Variants in MSRA observed in about 807,000 individuals in gnomAD.
MSRA encodes methionine sulfoxide reductase A.
MSRA carries 54 observed loss-of-function variants against 31.3 expected under a neutral mutation model. The observed-to-expected ratio is 1.73, with a 90% CI of 1.39 to 2.17. The LOEUF (loss-of-function observed/expected upper bound fraction) is 2.17, where lower values mean the gene tolerates loss of function less well. MSRA is among the 30% of genes most tolerant of loss of function. The pLI is 0.00. For synonymous variants in MSRA, 169 were observed against 116.5 expected (o/e 1.45, Z -2.90); for missense variants, 507 against 300.9 (o/e 1.69, Z -5.07).
intron 1 of MSRA, among the ~76,000 whole-genome samples, chr8:10,144,118 G>A (rs970039724): frequency 1.3e-5 from 2 of 152,134 alleles, no homozygotes; most frequent in Non-Finnish European, 2.9e-5. Flanking sequence ...TAGCAGGGCC[G>A]GATCGCCACC....
At chr8:10,227,762 A>G (rs1007887882) in intron 2 of MSRA, among the ~76,000 whole-genome samples, 4 of 152,232 alleles carry the variant, frequency 2.6e-5, no homozygotes, top group South Asian at 2.1e-4. Context: ...ATTAGTTGCC[A>G]TCAAATACTG....
intron 1 of MSRA, among the ~76,000 whole-genome samples, chr8:10,206,095 A>G (rs561917248): frequency 3.0e-4 from 46 of 152,264 alleles, no homozygotes; most frequent in African/African-American, 1.1e-3. Flanking sequence ...TCATGGGTTT[A>G]AAGAGTTTGG....
intron 2 of MSRA, among the ~76,000 whole-genome samples, chr8:10,209,434 A>G (rs1176077754): frequency 6.6e-6 from 1 of 152,230 alleles, no homozygotes; most frequent in Middle Eastern, 3.2e-3. Context: ...CTTGAAGGGC[A>G]GATTCAGTAC....
intron 5 of MSRA, among the ~76,000 whole-genome samples, chr8:10,421,468 C>T (rs1358459510): frequency 6.6e-6 from 1 of 152,076 alleles, no homozygotes; most frequent in African/African-American, 2.4e-5. Context: ...ACCTGTGCTG[C>T]CAGGAGCCAT....
chr8:10,246,464 A>G (rs1797628396), intron 3 of MSRA, among the ~76,000 whole-genome samples: 1 of 152,224 alleles, frequency 6.6e-6, no homozygotes, highest in Non-Finnish European at 1.5e-5. Flanking sequence ...GGGAGGGAGT[A>G]TCTGGAGTTA....
Position 10,337,427 on chromosome 8 carries a change from C to A in MSRA, c.543+17438C>A. On this transcript the variant is annotated intron_variant, in intron 5 of 5. Coordinates refer to ENST00000317173, the MANE Select transcript of MSRA (RefSeq NM_012331.5). ...ATCTCCTGACCTCGTGATCCACCAG[C>A]CTCGGCCTCCCAAAGTGCTGGGATT... 1.2e-5 allele frequency: 4 copies of A among 336,872 alleles called. 1 individual carries two copies. In the South Asian group the frequency reaches 1.5e-4, roughly 13 times the overall value. 20.9% of individuals were successfully genotyped at this position (336,872 alleles called of 1,614,324 possible).
intron 5 of MSRA, among the ~76,000 whole-genome samples, chr8:10,379,624 G>A (rs1472106985): frequency 1.3e-5 from 2 of 152,072 alleles, no homozygotes; most frequent in Non-Finnish European, 2.9e-5. Context: ...CACTCAGCTT[G>A]GCCAGCACAC....
At chr8:10,095,756 G>A (rs1799111625) in intron 1 of MSRA, 1 of 1,143,908 alleles carries the variant, frequency 8.7e-7, no homozygotes, top group Non-Finnish European at 1.1e-6. Context: ...AGTCTCTTGG[G>A]CTATTTGAAA....
chr8:10,128,142 C>T (rs1801634281), intron 1 of MSRA, among the ~76,000 whole-genome samples: 1 of 152,018 alleles, frequency 6.6e-6, no homozygotes, highest in South Asian at 2.1e-4. Flanking sequence ...CTTTGGGAGG[C>T]CGAGGCAGGT....
intron 1 of MSRA, among the ~76,000 whole-genome samples, chr8:10,161,528 C>T (rs1021294873): frequency 2.0e-5 from 3 of 152,160 alleles, no homozygotes; most frequent in African/African-American, 4.8e-5. Flanking sequence ...AGTTGTTCTT[C>T]TAGAAAACAA....
intron 1 of MSRA, among the ~76,000 whole-genome samples, chr8:10,125,616 T>C (rs1355849399): frequency 6.6e-6 from 1 of 152,140 alleles, no homozygotes; most frequent in Non-Finnish European, 1.5e-5. Context: ...CCTGCAGGTA[T>C]AGCGGGAACC....
chr8:10,096,377 G>A (rs1799156729), intron 1 of MSRA: 3 of 862,686 alleles, frequency 3.5e-6, no homozygotes, highest in Non-Finnish European at 4.2e-6. Context: ...TGGGAGGTGG[G>A]TGGGGAGGTG....
At chr8:10,101,025 T>G (rs918885181) in intron 1 of MSRA, among the ~76,000 whole-genome samples, 5 of 152,228 alleles carry the variant, frequency 3.3e-5, no homozygotes, top group African/African-American at 9.6e-5. Context: ...CAAATTGTTC[T>G]CAAAGACCCA....
At chr8:10,393,233 C>G (rs1041878699) in intron 5 of MSRA, among the ~76,000 whole-genome samples, 2 of 152,096 alleles carry the variant, frequency 1.3e-5, no homozygotes, top group Non-Finnish European at 2.9e-5. Flanking sequence ...AGAGACGAGC[C>G]CATTCTGCTT....
At position 10,142,732 on chromosome 8, in the gene MSRA, C is replaced by T. The variant is rs576918544; in HGVS notation, c.143-65101C>T. On this transcript the variant is annotated intron_variant, in intron 1 of 5. Transcript: ENST00000317173. ...ATGCTTAAATGTAGTAGATTTTTCC[C>T]GGACTATTTGATAAGATCTATTTTG... Among the ~76,000 whole-genome samples, 62 of 152,230 alleles carry T rather than the reference C, an allele frequency of 4.1e-4. 1 individual carries two copies. Among genetic ancestry groups the T allele is most frequent in the African/African-American group, 1.3e-3 (52 of 41,532 alleles).
At chr8:10,136,015 A>C (rs576195610) in intron 1 of MSRA, among the ~76,000 whole-genome samples, 88 of 152,164 alleles carry the variant, frequency 5.8e-4, no homozygotes, top group African/African-American at 2.0e-3. Flanking sequence ...GGGGACCTGC[A>C]TGTCGGGTGA....
At chr8:10,392,492 G>A (rs1159110083) in intron 5 of MSRA, among the ~76,000 whole-genome samples, 1 of 151,972 alleles carries the variant, frequency 6.6e-6, no homozygotes, top group East Asian at 1.9e-4. Context: ...GCCCAGAGCT[G>A]CTCCTTCCGC....
chr8:10,107,524 C>G (rs1293921532), intron 1 of MSRA, among the ~76,000 whole-genome samples: 1 of 152,080 alleles, frequency 6.6e-6, no homozygotes, highest in Non-Finnish European at 1.5e-5. Context: ...TCATCTTCCA[C>G]CTGGATTCCT....
At chr8:10,351,539 A>C (rs1040580287) in intron 5 of MSRA, among the ~76,000 whole-genome samples, 1 of 152,200 alleles carries the variant, frequency 6.6e-6, no homozygotes, top group Non-Finnish European at 1.5e-5. Context: ...GGCGTGAGCC[A>C]CTGTGCCCGG....
Sources: allele counts gnomAD v4.1 joint callset (sites outside exome capture counted in the v4.1 genomes callset), GRCh38; gene constraint gnomAD v4.1.1; transcripts MANE v1.5; gene names NCBI Gene and HGNC (gene_info 2026-07-23, HGNC 2026-07-21).